ZNF365: variants seen among roughly 807,000 people sequenced by gnomAD.
ZNF365 encodes protein ZNF365.
Under a neutral mutation model 35.0 loss-of-function variants are expected in ZNF365, and 22 were observed. The observed-to-expected ratio is 0.63, with a 90% CI of 0.45 to 0.90. The LOEUF is 0.90. ZNF365 is among the 40% of genes least tolerant of loss of function. The pLI is 0.00. For missense variants in ZNF365, 448 were observed against 500.3 expected, an observed-to-expected ratio of 0.90 and a Z score of 1.00; for synonymous variants, 188 against 196.2, an observed-to-expected ratio of 0.96 and a Z score of 0.35.
chr10:62,396,984 A>C (rs1192136956), intron 3 of ZNF365, among the ~76,000 whole-genome samples: 1 of 152,232 alleles, frequency 6.6e-6, no homozygotes, highest in Non-Finnish European at 1.5e-5. Flanking sequence ...GAAGGAGCCC[A>C]GCTGAGAAAT....
downstream of ZNF365, among the ~76,000 whole-genome samples, chr10:62,402,629 C>G (rs1839847731): frequency 6.6e-6 from 1 of 152,140 alleles, no homozygotes. Context: ...CATCATAATT[C>G]CTATATCTAA....
intron 1 of ZNF365, among the ~76,000 whole-genome samples, chr10:62,374,749 T>G (rs1476421123): frequency 6.6e-6 from 1 of 152,234 alleles, no homozygotes; most frequent in Non-Finnish European, 1.5e-5. Context: ...CCCAGTGGAC[T>G]GGGTTTCCTC....
Position 62,400,865 on chromosome 10 carries a change from C to T in ZNF365, c.*1076C>T. The T allele has an allele frequency of 2.0e-6, 2 of 985,458 alleles. No homozygotes were observed. Among genetic ancestry groups the T allele is most frequent in the African/African-American group, 1.7e-5 (1 of 57,310 alleles). The allele number at this position is 985,458 out of a possible 1,614,324, so 61.0% of individuals were successfully genotyped here. On this transcript the variant is annotated 3_prime_UTR_variant, in exon 5 of 5. Transcript: ENST00000395254. Reference sequence around the variant, plus strand: ...TTCAACCAAGTATCTGGAGTGTTCACTCTATGTTGCATTCTAAAGTAATTT... The same window carrying T: ...TTCAACCAAGTATCTGGAGTGTTCATTCTATGTTGCATTCTAAAGTAATTT...
intron 4 of ZNF365, among the ~76,000 whole-genome samples, chr10:62,469,118 G>A (rs1190343167): frequency 4.6e-5 from 7 of 152,198 alleles, no homozygotes; most frequent in East Asian, 3.8e-4. Flanking sequence ...GGATGCTCAA[G>A]GTATTTTGCT....
At chr10:62,425,525 A>G (rs746373207) in intron 3 of ZNF365, among the ~76,000 whole-genome samples, 1 of 152,160 alleles carries the variant, frequency 6.6e-6, no homozygotes, top group Non-Finnish European at 1.5e-5. Flanking sequence ...ACAGATTCTC[A>G]ATAATTACTT....
At chr10:62,438,045 T>C (rs1840434461) in intron 3 of ZNF365, among the ~76,000 whole-genome samples, 1 of 152,142 alleles carries the variant, frequency 6.6e-6, no homozygotes, top group South Asian at 2.1e-4. Flanking sequence ...GTATGGGAAA[T>C]TAGTTAACAG....
chr10:62,401,473 G>C lies in ZNF365; in HGVS notation c.*1684G>C, dbSNP rs954856804. On this transcript the variant is annotated 3_prime_UTR_variant, in exon 5 of 5. Coordinates refer to ENST00000395254, the MANE Select transcript of ZNF365 (RefSeq NM_014951.3). ...GAAAATGTTCTTGAATCTTCACTTT[G>C]ACTTTCAGTTTATGGGGGGGGTAGA... The C allele has an allele frequency of 3.2e-6, 3 of 936,392 alleles. No homozygotes were observed. The highest frequency in any genetic ancestry group is 2.1e-5 in the African/African-American group (1 of 48,302). The allele number at this position is 936,392 out of a possible 1,614,324, so 58.0% of individuals were successfully genotyped here. A position where few individuals can be genotyped will look rare whatever the true frequency, so the allele number is the denominator to read the frequency against.
chr10:62,463,389 T>TA (rs1227784010), intron 4 of ZNF365, among the ~76,000 whole-genome samples: 1 of 152,210 alleles, frequency 6.6e-6, no homozygotes, highest in Non-Finnish European at 1.5e-5. Flanking sequence ...CCTCCCCACT[T>TA]ACCTTAAGTT....
intron 3 of ZNF365, among the ~76,000 whole-genome samples, chr10:62,390,649 G>A (rs1253416546): frequency 6.6e-6 from 1 of 152,144 alleles, no homozygotes; most frequent in Non-Finnish European, 1.5e-5. Flanking sequence ...GACACATTCT[G>A]AGAAATGTGT....
intron 3 of ZNF365, among the ~76,000 whole-genome samples, chr10:62,398,367 T>C (rs984601367): frequency 6.6e-6 from 1 of 152,366 alleles, no homozygotes; most frequent in South Asian, 2.1e-4. Flanking sequence ...AAGTATCTTG[T>C]GTTCTCACTT....
chr10:62,420,005 C>G (rs1185309992), intron 3 of ZNF365, among the ~76,000 whole-genome samples: 3 of 151,840 alleles, frequency 2.0e-5, no homozygotes, highest in African/African-American at 7.3e-5. Context: ...GATGTTTTCT[C>G]CTTTATTGAA....
intron 4 of ZNF365, among the ~76,000 whole-genome samples, chr10:62,463,871 A>G (rs1221396677): frequency 6.6e-6 from 1 of 152,024 alleles, no homozygotes; most frequent in Non-Finnish European, 1.5e-5. Flanking sequence ...GGTTGCATCC[A>G]ATGATCTACT....
rs770073528 is a variant in ZNF365, at chr10:62,388,429, G to A, written c.777G>A (p.Ala259=). 2.8e-5 allele frequency: 45 copies of A among 1,614,102 alleles called. No homozygotes were observed. The highest frequency in any genetic ancestry group is 2.2e-4 in the South Asian group (20 of 91,088). ...EVVTFNHFLE[A]AAEKEVQGKA... The stretch of plus-strand genomic sequence containing the variant: ...TCACATTCAACCATTTCCTGGAAGC[G>A]GCAGCTGAGAAGGAGGTTCAAGGGA... Residue 259 remains alanine (A), a synonymous_variant, in exon 3 of 5, where the codon GCG becomes GCA. Coordinates refer to ENST00000395254, the MANE Select transcript of ZNF365 (RefSeq NM_014951.3).
intron 3 of ZNF365, among the ~76,000 whole-genome samples, chr10:62,454,712 C>G (rs753631229): frequency 6.6e-6 from 1 of 151,644 alleles, no homozygotes; most frequent in Non-Finnish European, 1.5e-5. Flanking sequence ...AAAACAATTT[C>G]TTCCTGAATC....
At chr10:62,429,718 A>G (rs189275741) in intron 3 of ZNF365, among the ~76,000 whole-genome samples, 3 of 152,122 alleles carry the variant, frequency 2.0e-5, no homozygotes. Context: ...TAATAAGGGG[A>G]GAAATTAGCT....
intron 3 of ZNF365, among the ~76,000 whole-genome samples, chr10:62,426,206 C>T (rs1267886793): frequency 1.3e-5 from 2 of 152,074 alleles, no homozygotes; most frequent in Non-Finnish European, 2.9e-5. Context: ...TTGGTTGACT[C>T]ATCTGGATGA....
chr10:62,462,987 A>G (rs1049354103), intron 4 of ZNF365, among the ~76,000 whole-genome samples: 8 of 152,202 alleles, frequency 5.3e-5, no homozygotes, highest in South Asian at 2.1e-4. Context: ...AGGTTGAACT[A>G]TACCAGTAGT....
chr10:62,417,970 G>A (rs1840101067), intron 3 of ZNF365, among the ~76,000 whole-genome samples: 1 of 151,962 alleles, frequency 6.6e-6, no homozygotes, highest in African/African-American at 2.4e-5. Context: ...AGAACAGGAA[G>A]GAGGGGACAA....
At chr10:62,383,975 T>G (rs1406457360) in intron 2 of ZNF365, among the ~76,000 whole-genome samples, 1 of 152,172 alleles carries the variant, frequency 6.6e-6, no homozygotes, top group East Asian at 1.9e-4. Flanking sequence ...CTGGAAATCA[T>G]TCTGCATAAT....
Sources: gnomAD v4.1 joint callset for allele counts (sites outside exome capture counted in the v4.1 genomes callset) on GRCh38, gnomAD v4.1.1 for gene constraint, MANE v1.5 for transcripts, NCBI Gene and HGNC (gene_info 2026-07-23, HGNC 2026-07-21) for gene names.